Variants in FLT4 observed in about 807,000 individuals in gnomAD.
FLT4 encodes vascular endothelial growth factor receptor 3.
In FLT4, 30 loss-of-function variants were observed where a neutral mutation model predicts 163.2. The ratio of observed to expected loss-of-function variants is 0.18; its 90% CI spans 0.14 to 0.25. The LOEUF (loss-of-function observed/expected upper bound fraction) is 0.25, where lower values mean the gene tolerates loss of function less well. Among genes scored for constraint, FLT4 ranks in the 10% least tolerant of loss-of-function variants. The pLI is 1.00. For missense variants in FLT4, 1,510 were observed against 1,863.8 expected, an observed-to-expected ratio of 0.81 and a Z score of 3.50; for synonymous variants, 884 against 789.5, an observed-to-expected ratio of 1.12 and a Z score of -2.01.
At chr5:180,615,038 C>T (rs369378438) in intron 23 of FLT4, among the ~76,000 whole-genome samples, 2 of 152,158 alleles carry the variant, frequency 1.3e-5, no homozygotes, top group East Asian at 3.8e-4. Flanking sequence ...ATGCTTTGCA[C>T]TCTCAGGCTC....
chr5:180,647,410 G>A lies in FLT4; in HGVS notation c.58+2078C>T, dbSNP rs567399794. Among the ~76,000 whole-genome samples, 12 of 152,250 alleles carry A rather than the reference G, an allele frequency of 7.9e-5. No homozygotes were observed. In the East Asian group the frequency reaches 2.1e-3, roughly 27 times the overall value. ...ATGCTTGGGGAAACTGAGGTGCAGG[G>A]AGGGGAAAGGAGGGGGCCCAGGTCA... On this transcript the variant is annotated intron_variant, in intron 1 of 29. Transcript: ENST00000261937.
rs1386941595 is a variant in FLT4 at position 180,620,564 on chromosome 5, G to C, written c.2406+45C>G. On this transcript the variant is annotated intron_variant, in intron 16 of 29. Transcript: ENST00000261937. This position sits in a 1 kb window ranked among gnomAD's most constrained non-coding sequence, Gnocchi z 4.4. ...TTATCTTAGGGGCGGCCAGGGTGGG[G>C]AAGGCCTGAGAGAGACTCCATCAGG... 35 of 1,452,734 alleles carry C rather than the reference G, an allele frequency of 2.4e-5. No individual in the cohort carries two copies. Among genetic ancestry groups the C allele is most frequent in the Non-Finnish European group, 3.3e-5 (34 of 1,035,422 alleles). The allele number at this position is 1,452,734 out of a possible 1,614,324, so 90.0% of individuals were successfully genotyped here.
Position 180,645,640 on chromosome 5 carries a change from G to T in FLT4, c.58+3848C>A, listed in dbSNP as rs542912929. On this transcript the variant is annotated intron_variant, in intron 1 of 29. Transcript: ENST00000261937. Reference sequence around the variant, plus strand: ...AGGCCTGGCCGTGGGCTAGGGTGGTGCGGGCCTCAGACAGGGCCGGGGGTG... The same window carrying T: ...AGGCCTGGCCGTGGGCTAGGGTGGTTCGGGCCTCAGACAGGGCCGGGGGTG... Among the ~76,000 whole-genome samples the T allele has an allele frequency of 2.6e-5, 4 of 152,240 alleles. No homozygotes were observed. The South Asian group carries it at 8.4e-4, about 32-fold the overall frequency.
intron 8 of FLT4, among the ~76,000 whole-genome samples, 179 bp from the exon 9 acceptor site, chr5:180,626,444 G>A (rs762876014): frequency 4.6e-5 from 7 of 152,158 alleles, no homozygotes; most frequent in African/African-American, 1.2e-4. Flanking sequence ...TCTCCAGGCC[G>A]TATCTGCCAG....
At chr5:180,609,088 G>T (rs757568761) in intron 28 of FLT4, 35 bp from the exon 29 acceptor site, 1 of 1,584,046 alleles carries the variant, frequency 6.3e-7, no homozygotes, top group South Asian at 1.1e-5. Flanking sequence ...TGTGGGTCCC[G>T]CCTGAGGCCC....
At chr5:180,622,698 C>G in intron 12 of FLT4, 33 bp downstream of exon 12, 1 of 1,386,962 alleles carries the variant, frequency 7.2e-7, no homozygotes, top group Non-Finnish European at 1.0e-6. Context: ...TGACCCTGTA[C>G]CCAGGCCTCC....
intron 6 of FLT4, 33 bp from the exon 7 acceptor site, chr5:180,629,460 G>A (rs375438266): frequency 5.9e-5 from 95 of 1,607,502 alleles, no homozygotes; most frequent in Non-Finnish European, 7.9e-5. Flanking sequence ...CGCGTCAGCA[G>A]GCGGGCTCCT....
At chr5:180,631,999 C>A (rs1764210101) in intron 1 of FLT4, among the ~76,000 whole-genome samples, 1 of 152,170 alleles carries the variant, frequency 6.6e-6, no homozygotes, top group Non-Finnish European at 1.5e-5. Context: ...CAGGCGCACC[C>A]TGCCTTGCCC....
chr5:180,614,273 C>CCGCGGTGGATGGGGAGACGGAGGGAAGCG (rs58248706), intron 23 of FLT4, 94 bp from the exon 24 acceptor site: 1 of 718,352 alleles, frequency 1.4e-6, no homozygotes, highest in African/African-American at 1.8e-5. Context: ...GAAGCGTGTC[C>CCGCGGTGGATGGGGAGACGGAGGGAAGCG]TGCGGTGGAT....
At position 180,630,465 on chromosome 5, in the gene FLT4, T is replaced by C; in HGVS notation, c.400+90A>G. On this transcript the variant is annotated intron_variant, in intron 3 of 29. Coordinates refer to ENST00000261937, the MANE Select transcript of FLT4 (RefSeq NM_182925.5). This position sits in a 1 kb window ranked among gnomAD's most constrained non-coding sequence, Gnocchi z 6.3. Reference sequence around the variant, plus strand: ...GAGCAGGTAGGGCCCCGTTCTCTCCTCCTGCCAGCCCAGGGTCCACAGGCT... The same window carrying C: ...GAGCAGGTAGGGCCCCGTTCTCTCCCCCTGCCAGCCCAGGGTCCACAGGCT... The C allele has an allele frequency of 1.3e-6, 2 of 1,590,370 alleles. No individual in the cohort carries two copies. Among genetic ancestry groups the C allele is most frequent in the South Asian group, 1.1e-5 (1 of 89,896 alleles).
At chr5:180,622,933 C>G (rs1005045892) in intron 11 of FLT4, 94 bp from the exon 12 acceptor site, 9 of 791,848 alleles carry the variant, frequency 1.1e-5, no homozygotes, top group Middle Eastern at 3.1e-4. Flanking sequence ...GCACCACCCC[C>G]CCCAATCATG....
chr5:180,605,581 T>C (rs564171633), intron 29 of FLT4, among the ~76,000 whole-genome samples: 2 of 152,336 alleles, frequency 1.3e-5, no homozygotes, highest in East Asian at 1.9e-4. Context: ...CTCCTGTGGA[T>C]GGGACTAGGG....
chr5:180,609,159 C>T, intron 28 of FLT4, 106 bp from the exon 29 acceptor site: 1 of 877,202 alleles, frequency 1.1e-6, no homozygotes. Context: ...CGCGGCTGAC[C>T]TAACACCTGT....
In FLT4 at chr5:180,622,859, A is replaced by T; in HGVS notation, c.1549-20T>A. On this transcript the variant is annotated intron_variant, in intron 11 of 29. Transcript: ENST00000261937. ...CACAGTCTGGGAGAGCACAGGCACA[A>T]GGATCCATTTCCTGCCCAAGTTCTC... 1 of 1,563,936 alleles carries T rather than the reference A, an allele frequency of 6.4e-7. No homozygotes were observed. The highest frequency in any genetic ancestry group is 1.1e-5 in the South Asian group (1 of 90,044).
At chr5:180,631,877 G>T in intron 1 of FLT4, 99 bp from the exon 2 acceptor site, 2 of 838,154 alleles carry the variant, frequency 2.4e-6, no homozygotes, top group Non-Finnish European at 3.9e-6. Context: ...GCAGACCCCT[G>T]CAGGGCCGGA....
chr5:180,610,029 T>C lies in FLT4; in HGVS notation c.3687-4A>G, dbSNP rs752230258. 3.2e-5 allele frequency: 51 copies of C among 1,613,920 alleles called. No individual in the cohort carries two copies. Among genetic ancestry groups the C allele is most frequent in the South Asian group, 4.4e-5 (4 of 91,080 alleles). On this transcript the variant is annotated splice_region_variant and splice_polypyrimidine_tract_variant and intron_variant, in intron 27 of 29. Coordinates refer to ENST00000261937, the MANE Select transcript of FLT4 (RefSeq NM_182925.5). ...AAAGGACACCCAGTTGTAATACCTGTGGGGAGAAATCAGAAGGTGCTGAGG... is the reference window on the plus strand; with the variant it reads ...AAAGGACACCCAGTTGTAATACCTGCGGGGAGAAATCAGAAGGTGCTGAGG...
At chr5:180,619,565 C>A in intron 18 of FLT4, 100 bp downstream of exon 18, 2 of 1,084,086 alleles carry the variant, frequency 1.8e-6, no homozygotes, top group Admixed American at 3.4e-5. Context: ...AGACTGGCTT[C>A]CAGCCTCAGT....
intron 18 of FLT4, 98 bp from the exon 19 acceptor site, chr5:180,619,464 C>T (rs1762954379): frequency 1.0e-6 from 1 of 1,002,538 alleles, no homozygotes; most frequent in Non-Finnish European, 1.5e-6. Context: ...CTAAGGGCCC[C>T]CAGGACATCC....
intron 12 of FLT4, among the ~76,000 whole-genome samples, chr5:180,622,284 CTACATCTCTCTGCTGGTGCCCTG>C (rs1318613446): frequency 1.6e-5 from 2 of 125,464 alleles, no homozygotes; most frequent in African/African-American, 3.0e-5. Flanking sequence ...GTGCCCTGAT[CTACATCTCTCTGCTGGTGCCCTG>C]ATCTACATTC....
Sources: gnomAD v4.1 joint callset for allele counts (sites outside exome capture counted in the v4.1 genomes callset) on GRCh38, gnomAD v4.1.1 for gene constraint, Gnocchi (gnomAD v3.1) non-coding constraint, MANE v1.5 for transcripts, NCBI Gene and HGNC (gene_info 2026-07-23, HGNC 2026-07-21) for gene names.